Variants in SLC9B1 observed in about 807,000 individuals in gnomAD.
SLC9B1 encodes sodium/hydrogen exchanger 9B1.
SLC9B1 carries 32 observed loss-of-function variants against 51.7 expected under a neutral mutation model. The observed-to-expected ratio is 0.62, with a 90% CI of 0.47 to 0.83. The LOEUF is 0.83. Ranked by LOEUF, SLC9B1 falls within the 40% of genes least tolerant of loss-of-function variation. The pLI is 0.00. For synonymous variants in SLC9B1, 145 were observed against 212.7 expected, an observed-to-expected ratio of 0.68 and a Z score of 2.77; for missense variants, 406 against 613.2, an observed-to-expected ratio of 0.66 and a Z score of 3.57.
At chr4:103,015,525 T>C (rs985055009) in intron 1 of SLC9B1, among the ~76,000 whole-genome samples, 3 of 152,182 alleles carry the variant, frequency 2.0e-5, no homozygotes, top group African/African-American at 7.2e-5. Flanking sequence ...GCTCCTATTG[T>C]CTTTTTCTTT....
At chr4:102,903,623 A>G (rs1244924638) in intron 11 of SLC9B1, among the ~76,000 whole-genome samples, 9 of 152,254 alleles carry the variant, frequency 5.9e-5, no homozygotes, top group Non-Finnish European at 4.4e-5. Context: ...AAAATTTAGG[A>G]GCTTCTGTTT....
At chr4:102,927,916 T>C (rs1349470563) in intron 7 of SLC9B1, among the ~76,000 whole-genome samples, 1 of 152,160 alleles carries the variant, frequency 6.6e-6, no homozygotes. Flanking sequence ...TGAGTTCATG[T>C]CCTTTGCAGG....
At chr4:102,907,559 T>G (rs1402860417) in intron 9 of SLC9B1, among the ~76,000 whole-genome samples, 1 of 152,258 alleles carries the variant, frequency 6.6e-6, no homozygotes, top group African/African-American at 2.4e-5. Flanking sequence ...TGGAAACGAA[T>G]GCCTCCCAGT....
At chr4:102,885,437 T>C (rs1207969816) in intron 11 of SLC9B1, 1 of 1,611,500 alleles carries the variant, frequency 6.2e-7, no homozygotes, top group African/African-American at 1.3e-5. Flanking sequence ...AACGGTAAGA[T>C]GTCTGTTTAC....
chr4:102,925,670 C>CA (rs1180914892), intron 7 of SLC9B1, among the ~76,000 whole-genome samples: 1 of 111,904 alleles, frequency 8.9e-6, no homozygotes, highest in African/African-American at 3.9e-5. Context: ...TTGAAAACAT[C>CA]AAAAAAATTA....
rs533426799 is a variant in SLC9B1, at chr4:102,946,763, T to C, written c.409A>G (p.Arg137Gly). ...TGTTCATTGATGAATGGAACATTCC[T>C]AATCGTAAAACCAGCCAGTAACATC... Reference protein sequence around the residue: ...LGMLLAGFTIRNVPFINEHVH... With the variant: ...LGMLLAGFTIGNVPFINEHVH... The change falls in exon 5 of 12, where the codon AGG becomes GGG. Residue 137 changes from arginine to glycine, a missense_variant. Physicochemically the swap from Arg to Gly is moderately radical, Grantham distance 125. Transcript: ENST00000296422. 4 of 1,601,068 alleles carry C rather than the reference T, an allele frequency of 2.5e-6. No individual in the cohort carries two copies. In the Admixed American group the frequency reaches 7.0e-5, roughly 28 times the overall value.
chr4:102,983,531 T>A (rs901875868), intron 3 of SLC9B1, among the ~76,000 whole-genome samples: 1 of 152,162 alleles, frequency 6.6e-6, no homozygotes, highest in African/African-American at 2.4e-5. Context: ...ACATTCTGTT[T>A]TGGAAAGAAA....
intron 9 of SLC9B1, 88 bp from the exon 10 acceptor site, chr4:102,906,732 A>G (rs1192022129): frequency 3.8e-5 from 30 of 783,950 alleles, no homozygotes; most frequent in Admixed American, 8.2e-5. Flanking sequence ...TTTTTTTTTC[A>G]TTTTTTAAGT....
intron 3 of SLC9B1, among the ~76,000 whole-genome samples, chr4:102,985,339 T>C (rs1211284391): frequency 6.6e-6 from 1 of 152,186 alleles, no homozygotes; most frequent in Non-Finnish European, 1.5e-5. Flanking sequence ...ATCATGCTTG[T>C]TCCTCTTTGC....
chr4:102,924,537 A>T (rs1736059324), intron 7 of SLC9B1, among the ~76,000 whole-genome samples: 1 of 152,220 alleles, frequency 6.6e-6, no homozygotes, highest in African/African-American at 2.4e-5. Flanking sequence ...CAATGGCAAC[A>T]AAAGCCAAAA....
At chr4:103,011,496 T>C (rs943196502) in intron 1 of SLC9B1, among the ~76,000 whole-genome samples, 3 of 152,104 alleles carry the variant, frequency 2.0e-5, no homozygotes, top group African/African-American at 7.2e-5. Flanking sequence ...CCACTAGGCA[T>C]TGCTCTTATG....
Position 102,932,146 on chromosome 4 carries a change from G to A in SLC9B1, c.807C>T (p.Cys269=). The change falls in exon 7 of 12, where the codon TGC becomes TGT. Residue 269 remains cysteine (C), a synonymous_variant. Transcript: ENST00000296422. ...TACCTGAGGAAAAGACTATGCTCAAGCATGTATTGAATCCAGTGATAGCCA... is the reference window on the plus strand; with the variant it reads ...TACCTGAGGAAAAGACTATGCTCAAACATGTATTGAATCCAGTGATAGCCA... ...DILAITGFNT[C]LSIVFSSGGI... 6.2e-7 allele frequency: 1 copy of A among 1,611,924 alleles called. No individual in the cohort carries two copies. The highest frequency in any genetic ancestry group is 1.7e-5 in the Admixed American group (1 of 60,008).
At chr4:103,018,438 A>C (rs1366036920) in intron 1 of SLC9B1, among the ~76,000 whole-genome samples, 2 of 152,246 alleles carry the variant, frequency 1.3e-5, no homozygotes, top group African/African-American at 4.8e-5. Context: ...GACAATACCT[A>C]TGAATGCCCT....
At chr4:102,997,930 G>C (rs952325003) in intron 1 of SLC9B1, among the ~76,000 whole-genome samples, 20 of 152,076 alleles carry the variant, frequency 1.3e-4, no homozygotes, top group African/African-American at 4.8e-4. Context: ...TTCTTGCTAT[G>C]ATTCCTTTGA....
At chr4:102,914,775 T>C (rs2110436245) in intron 7 of SLC9B1, among the ~76,000 whole-genome samples, 1 of 152,172 alleles carries the variant, frequency 6.6e-6, no homozygotes, top group East Asian at 1.9e-4. Flanking sequence ...AATGTATGTA[T>C]TATGAAAGTG....
chr4:103,008,713 C>G (rs1028847090), intron 1 of SLC9B1, among the ~76,000 whole-genome samples: 17 of 151,220 alleles, frequency 1.1e-4, no homozygotes, highest in African/African-American at 4.1e-4. Context: ...AATTTCTTGT[C>G]ATTTCATCTC....
intron 1 of SLC9B1, among the ~76,000 whole-genome samples, chr4:102,996,511 T>C (rs1253792934): frequency 6.6e-6 from 1 of 152,164 alleles, no homozygotes; most frequent in East Asian, 1.9e-4. Flanking sequence ...GTTTTGCTTT[T>C]CACATAGGAA....
rs140062673 is a variant in SLC9B1, at chr4:103,002,514, T to A, written c.-1-10802A>T. On this transcript the variant is annotated intron_variant, in intron 1 of 11. Transcript: ENST00000296422. ...AGAAAAGAGAAAAAAATCCAACAAC[T>A]ATATGATTTTTTGACTTTTCCATTT... Among the ~76,000 whole-genome samples, 14 of 152,308 alleles carry A rather than the reference T, an allele frequency of 9.2e-5. No homozygotes were observed. In the East Asian group the frequency reaches 2.5e-3, roughly 27 times the overall value.
chr4:102,968,211 T>C (rs1189560185), intron 3 of SLC9B1, among the ~76,000 whole-genome samples: 2 of 152,232 alleles, frequency 1.3e-5, no homozygotes, highest in South Asian at 4.1e-4. Flanking sequence ...AAATAGTCAA[T>C]TGATTTTCAT....
Sources: allele counts gnomAD v4.1 joint callset (sites outside exome capture counted in the v4.1 genomes callset), GRCh38; gene constraint gnomAD v4.1.1; transcripts MANE v1.5; gene names NCBI Gene and HGNC (gene_info 2026-07-23, HGNC 2026-07-21).